Variants in FAM120C observed in about 807,000 individuals in gnomAD.
The protein encoded by FAM120C is constitutive coactivator of PPAR-gamma-like protein 2.
In FAM120C, 14 loss-of-function variants were observed where a neutral mutation model predicts 71.2. The ratio of observed to expected loss-of-function variants is 0.20; its 90% confidence interval spans 0.13 to 0.31. The LOEUF is 0.31. Among genes scored for constraint, FAM120C ranks in the 10% least tolerant of loss-of-function variants. FAM120C has a pLI of 1.00. For synonymous variants in FAM120C, 354 were observed against 353.2 expected (o/e 1.00, Z -0.03); for missense variants, 500 against 879.0 (o/e 0.57, Z 5.45).
At chrX:54,157,318 G>A (rs781798614) in intron 3 of FAM120C, among the ~76,000 whole-genome samples, 3 of 110,372 alleles carry the variant, frequency 2.7e-5, no homozygotes, top group Non-Finnish European at 5.7e-5. Flanking sequence ...GCAGTGGCAC[G>A]ATCTTGGCTC....
In FAM120C at chrX:54,164,216, G is replaced by C. The variant is rs781888805; in HGVS notation, c.700-4600C>G. On this transcript the variant is annotated intron_variant, in intron 1 of 15. Transcript: ENST00000375180. ...CAAAGTGCTGGGATTAGAGGCGTGA[G>C]CCACCGTGCCTGGCCTTTTTATGGT... 2.7e-5 allele frequency among the ~76,000 whole-genome samples: 3 copies of C among 111,947 alleles called. No homozygotes were observed. The South Asian group carries it at 1.1e-3, about 42-fold the overall frequency.
intron 12 of FAM120C, 79 bp from the exon 13 acceptor site, chrX:54,085,995 C>G: frequency 4.7e-6 from 4 of 853,105 alleles, no homozygotes; most frequent in Non-Finnish European, 6.8e-6. Flanking sequence ...ATGGAGCACT[C>G]TAGGTACAGT....
intron 10 of FAM120C, among the ~76,000 whole-genome samples, chrX:54,096,928 C>A (rs1372787913): frequency 2.7e-5 from 3 of 111,568 alleles, no homozygotes; most frequent in African/African-American, 9.7e-5. Context: ...TTGATTGTCA[C>A]CGTTAATCAC....
At chrX:54,107,209 G>A (rs1160156222) in intron 10 of FAM120C, among the ~76,000 whole-genome samples, 1 of 108,986 alleles carries the variant, frequency 9.2e-6, no homozygotes, top group Non-Finnish European at 1.9e-5. Context: ...CAATTCTCAT[G>A]CCTCAGCCTC....
chrX:54,162,599 AT>A (rs1420814050), intron 1 of FAM120C, among the ~76,000 whole-genome samples: 1 of 112,164 alleles, frequency 8.9e-6, no homozygotes, highest in Non-Finnish European at 1.9e-5. Flanking sequence ...GCCTAGTGAG[AT>A]TGTTAAAAAC....
intron 9 of FAM120C, among the ~76,000 whole-genome samples, chrX:54,131,575 A>C (rs2067066713): frequency 9.1e-6 from 1 of 109,569 alleles, no homozygotes; most frequent in Admixed American, 9.7e-5. Context: ...AGTAGCTAGG[A>C]TTACAGGCAT....
intron 1 of FAM120C, among the ~76,000 whole-genome samples, chrX:54,179,871 C>T (rs1468760358): frequency 8.9e-6 from 1 of 111,991 alleles, no homozygotes; most frequent in Non-Finnish European, 1.9e-5. Flanking sequence ...AAGAGTGCTT[C>T]TAAGGACTAA....
intron 9 of FAM120C, among the ~76,000 whole-genome samples, chrX:54,129,892 C>T (rs1358797208): frequency 3.6e-5 from 4 of 109,953 alleles, no homozygotes; most frequent in South Asian, 3.9e-4. Context: ...TGGCGGCGCG[C>T]GCCTGCAATC....
At chrX:54,179,472 CAGT>C (rs1395500246) in intron 1 of FAM120C, among the ~76,000 whole-genome samples, 3 of 111,720 alleles carry the variant, frequency 2.7e-5, no homozygotes, top group African/African-American at 6.5e-5. Flanking sequence ...ACCTTCAAGA[CAGT>C]AGAACACTCC....
At position 54,080,244 on chromosome X, in the gene FAM120C, T is replaced by C; in HGVS notation, c.3024A>G (p.Lys1008=). The C allele has an allele frequency of 4.1e-6, 5 of 1,207,114 alleles. No homozygotes were observed. The highest frequency in any genetic ancestry group is 5.6e-6 in the Non-Finnish European group (5 of 891,909). ...QTGRGSKGHK[K]GNKQGSSDGV... The stretch of plus-strand genomic sequence containing the variant: ...AAAAAATACTTACTTGCTTATTTCC[T>C]TTTTTGTGTCCCTTGGATCCTCTAC... The change falls in exon 15 of 16, where the codon AAA becomes AAG. Residue 1008 remains lysine (K), a synonymous_variant. Transcript: ENST00000375180.
At chrX:54,098,431 G>A (rs782245421) in intron 10 of FAM120C, among the ~76,000 whole-genome samples, 46 of 111,360 alleles carry the variant, frequency 4.1e-4, no homozygotes, top group Non-Finnish European at 7.3e-4. Flanking sequence ...ATGTATGAGG[G>A]TTCCGATTTC....
rs1483400539 is a variant in FAM120C, at chrX:54,112,149, G to A, written c.2312+4396C>T. Among the ~76,000 whole-genome samples, 3 of 112,144 alleles carry A rather than the reference G, an allele frequency of 2.7e-5. No homozygotes were observed. The South Asian group carries it at 1.1e-3, about 41-fold the overall frequency. On this transcript the variant is annotated intron_variant, in intron 10 of 15. Transcript: ENST00000375180. ...AATTCAAGATGGGCTGGGTGTGGTG[G>A]CTTATGCCTGTAATCCCAGTACTTT...
At chrX:54,087,665 C>A in intron 12 of FAM120C, 90 bp downstream of exon 12, 1 of 892,069 alleles carries the variant, frequency 1.1e-6, no homozygotes. Flanking sequence ...CGCCCCATCC[C>A]TCTCCACTAT....
At chrX:54,093,629 C>T (rs782686547) in intron 10 of FAM120C, among the ~76,000 whole-genome samples, 15 of 111,725 alleles carry the variant, frequency 1.3e-4, no homozygotes, top group Non-Finnish European at 2.4e-4. Context: ...CATCTTTGGG[C>T]CCGCACTACT....
At chrX:54,123,936 C>T (rs2067010047) in intron 9 of FAM120C, among the ~76,000 whole-genome samples, 1 of 91,339 alleles carries the variant, frequency 1.1e-5, no homozygotes, top group African/African-American at 4.0e-5. Flanking sequence ...TTCCTTCTAA[C>T]AGACAGGACC....
intron 15 of FAM120C, 96 bp downstream of exon 15, chrX:54,080,136 G>T: frequency 1.5e-6 from 1 of 688,669 alleles, no homozygotes; most frequent in Non-Finnish European, 2.3e-6. Flanking sequence ...CCCCTAAGCA[G>T]CTCAGGTTTC....
At chrX:54,164,723 T>G (rs1201702949) in intron 1 of FAM120C, among the ~76,000 whole-genome samples, 1 of 112,347 alleles carries the variant, frequency 8.9e-6, no homozygotes, top group Non-Finnish European at 1.9e-5. Flanking sequence ...AACATGGGTG[T>G]GCAAATATCT....
intron 10 of FAM120C, among the ~76,000 whole-genome samples, chrX:54,101,543 G>C (rs1426250030): frequency 8.9e-6 from 1 of 111,940 alleles, no homozygotes; most frequent in Non-Finnish European, 1.9e-5. Flanking sequence ...AAATGTTTCT[G>C]CTCTGTTTCC....
chrX:54,133,708 C>T lies in FAM120C; in HGVS notation c.1890+65G>A, dbSNP rs782237464. 103 of 1,091,772 alleles carry T rather than the reference C, an allele frequency of 9.4e-5. No individual in the cohort carries two copies. In the Middle Eastern group the frequency reaches 3.1e-3, roughly 32 times the overall value. 90.0% of individuals were successfully genotyped at this position (1,091,772 alleles called of 1,213,427 possible). A position where few individuals can be genotyped will look rare whatever the true frequency, so the allele number is the denominator to read the frequency against. On this transcript the variant is annotated intron_variant, in intron 8 of 15. Coordinates refer to ENST00000375180, the MANE Select transcript of FAM120C (RefSeq NM_017848.6). ...TGACCAGAATGTTCTCTGTAACTTA[C>T]AGTCCTAGGAAGTAGGAAGTACAGT...
Sources: gnomAD v4.1 joint callset for allele counts (sites outside exome capture counted in the v4.1 genomes callset) on GRCh38, gnomAD v4.1.1 for gene constraint, MANE v1.5 for transcripts, NCBI Gene and HGNC (gene_info 2026-07-23, HGNC 2026-07-21) for gene names.